Variants in AGAP4 observed in about 807,000 individuals in gnomAD.
AGAP4 encodes the protein ArfGAP with GTPase domain, ankyrin repeat and PH domain 4.
In AGAP4, 13 loss-of-function variants were observed where a neutral mutation model predicts 60.7. That is an observed-to-expected ratio of 0.21 (90% confidence interval 0.14 to 0.34). The LOEUF is 0.34. Among genes scored for constraint, AGAP4 ranks in the 10% least tolerant of loss-of-function variants. The pLI, the probability that AGAP4 is intolerant of heterozygous loss-of-function variation, is 1.00. For missense variants in AGAP4, 169 were observed against 884.0 expected (o/e 0.19, Z 10.26); for synonymous variants, 70 against 339.0 (o/e 0.21, Z 8.72).
intron 4 of AGAP4, among the ~76,000 whole-genome samples, chr10:45,834,692 A>G (rs1320127193): frequency 8.2e-6 from 1 of 121,324 alleles, no homozygotes; most frequent in Non-Finnish European, 1.7e-5. Context: ...AAAAAAAAAA[A>G]AAAAAAGAAA....
chr10:45,841,806 A>T (rs2058923679), intron 3 of AGAP4, 119 bp from the exon 4 acceptor site: 1 of 1,194,888 alleles, frequency 8.4e-7, no homozygotes, highest in African/African-American at 1.6e-5. Flanking sequence ...ATTAAAAAAA[A>T]AATTTTCAAT....
chr10:45,847,960 A>G, upstream of AGAP4: 1 of 1,039,442 alleles, frequency 9.6e-7, no homozygotes, highest in Non-Finnish European at 1.2e-6. Context: ...TAGTCCTAAG[A>G]AAAGCAAAGG....
At chr10:45,834,674 C>CAAAAA (rs1174820110) in intron 4 of AGAP4, among the ~76,000 whole-genome samples, 30 of 15,108 alleles carry the variant, frequency 2.0e-3, no homozygotes, top group South Asian at 8.5e-3. Flanking sequence ...GACTCCGCCT[C>CAAAAA]AAAAAAAAAA....
chr10:45,834,993 T>C (rs1490676976), intron 4 of AGAP4, among the ~76,000 whole-genome samples: 2 of 146,468 alleles, frequency 1.4e-5, no homozygotes, highest in African/African-American at 5.4e-5. Context: ...CAGGATGGTC[T>C]CGATCTCCTC....
intron 1 of AGAP4, among the ~76,000 whole-genome samples, chr10:45,852,557 A>G (rs2135980127): frequency 6.6e-6 from 1 of 151,880 alleles, no homozygotes; most frequent in East Asian, 1.9e-4. Context: ...ACATATAACT[A>G]CAAAATGGAC....
At chr10:45,832,504 G>A (rs75685939) in intron 5 of AGAP4, among the ~76,000 whole-genome samples, 1 of 139,980 alleles carries the variant, frequency 7.1e-6, no homozygotes, top group African/African-American at 2.7e-5. Context: ...GTATGGCTTT[G>A]GGCATCAAGG....
chr10:45,836,759 A>AT (rs2058824047), intron 4 of AGAP4, among the ~76,000 whole-genome samples: 1 of 103,024 alleles, frequency 9.7e-6, no homozygotes, highest in East Asian at 2.8e-4. Context: ...TGATCATGTG[A>AT]TTTTTTGTTT....
upstream of AGAP4, among the ~76,000 whole-genome samples, chr10:45,850,959 A>G: frequency 6.6e-6 from 1 of 152,150 alleles, no homozygotes. Context: ...TCAAGCCATT[A>G]AGCGTAACTG....
chr10:45,840,797 A>AG (rs2058904611), intron 4 of AGAP4, among the ~76,000 whole-genome samples: 1 of 78,036 alleles, frequency 1.3e-5, no homozygotes, highest in Non-Finnish European at 2.5e-5. Context: ...AGAATTGCAG[A>AG]AGTGCTCAGA....
intron 3 of AGAP4, among the ~76,000 whole-genome samples, chr10:45,842,731 C>T (rs2058939560): frequency 7.4e-6 from 1 of 134,478 alleles, no homozygotes; most frequent in South Asian, 2.6e-4. Context: ...AAAGTTACTA[C>T]CACTGAAGAG....
intron 2 of AGAP4, chr10:45,844,635 A>T: frequency 2.6e-6 from 1 of 381,124 alleles, no homozygotes; most frequent in Non-Finnish European, 4.5e-6. Context: ...TGAGGCCAGC[A>T]TGAGTAACAT....
At chr10:45,843,998 G>A (rs1176257530) in intron 3 of AGAP4, among the ~76,000 whole-genome samples, 1 of 149,700 alleles carries the variant, frequency 6.7e-6, no homozygotes. Flanking sequence ...TGGAGCAAGG[G>A]AAAAGGGATT....
At position 45,847,203 on chromosome 10, in the gene AGAP4, C is replaced by T; in HGVS notation, c.145G>A (p.Val49Ile). ...RMAGAPMAAA[V>I]QPAEVTVEVG... Reference sequence around the variant, plus strand: ...TCAACAGTCACCTCAGCAGGCTGTACAGCAGCAGCCATGGGCGCTCCTGCC... The same window carrying T: ...TCAACAGTCACCTCAGCAGGCTGTATAGCAGCAGCCATGGGCGCTCCTGCC... Residue 49 changes from valine (V) to isoleucine (I), a missense_variant, in exon 1 of 8, where the codon GTA becomes ATA. Val to Ile is a conservative substitution (Grantham distance 29, BLOSUM62 3). Coordinates refer to ENST00000616763, the MANE Select transcript of AGAP4 (RefSeq NM_001276343.3). 6.2e-7 allele frequency: 1 copy of T among 1,600,670 alleles called. No individual in the cohort carries two copies. Among genetic ancestry groups the T allele is most frequent in the South Asian group, 1.1e-5 (1 of 91,012 alleles).
chr10:45,827,815 T>A (rs2058671291), intron 7 of AGAP4, among the ~76,000 whole-genome samples: 1 of 74,960 alleles, frequency 1.3e-5, no homozygotes, highest in Non-Finnish European at 3.0e-5. Flanking sequence ...AAGATACATT[T>A]TCTGTTGTTT....
chr10:45,849,438 G>A (rs2059053730), upstream of AGAP4, among the ~76,000 whole-genome samples: 1 of 150,132 alleles, frequency 6.7e-6, no homozygotes. Context: ...AGTCAAGCTT[G>A]GATGGGAAAT....
intron 5 of AGAP4, 89 bp from the exon 6 acceptor site, chr10:45,831,518 C>A: frequency 8.8e-7 from 1 of 1,137,876 alleles, no homozygotes; most frequent in Non-Finnish European, 1.3e-6. Context: ...GGAAACTCTC[C>A]TAGTGGCCCT....
At chr10:45,828,626 C>G (rs2337992) in intron 6 of AGAP4, among the ~76,000 whole-genome samples, 55 of 141,926 alleles carry the variant, frequency 3.9e-4, no homozygotes, top group Non-Finnish European at 6.1e-4. Flanking sequence ...CAAATGTGCT[C>G]TGTGGACCTC....
chr10:45,830,707 G>A (rs1310185962), intron 6 of AGAP4, among the ~76,000 whole-genome samples: 3 of 129,520 alleles, frequency 2.3e-5, no homozygotes, highest in Admixed American at 7.5e-5. Flanking sequence ...GGATGGTCTC[G>A]ATCTCCTGAC....
chr10:45,826,507 G>C lies in AGAP4; in HGVS notation c.1469C>G (p.Ala490Gly). 1.2e-6 allele frequency: 2 copies of C among 1,600,380 alleles called. No homozygotes were observed. Among genetic ancestry groups the C allele is most frequent in the Non-Finnish European group, 1.7e-6 (2 of 1,173,798 alleles). ...CATGAGGACTCCCAAGTTCAAACTG[G>C]CCCACTTAGGATTCTGGGTCTCACA... The part of the protein sequence containing the change: ...VDCETQNPKW[A>G]SLNLGVLMCI... Residue 490 changes from alanine to glycine, a missense_variant, in exon 8 of 8, where the codon GCC (alanine) becomes GGC (glycine). Ala to Gly is a moderately conservative substitution (Grantham distance 60). Transcript: ENST00000616763.
Sources: allele counts gnomAD v4.1 joint callset (sites outside exome capture counted in the v4.1 genomes callset), GRCh38; gene constraint gnomAD v4.1.1; transcripts MANE v1.5; gene names NCBI Gene and HGNC (gene_info 2026-07-23, HGNC 2026-07-21).